Variants in PIGL observed in about 807,000 individuals in gnomAD.
PIGL encodes phosphatidylinositol glycan anchor biosynthesis class L.
A neutral mutation model predicts 31.1 loss-of-function variants in PIGL; 22 were observed. The ratio of observed to expected loss-of-function variants is 0.71; its 90% CI spans 0.51 to 1.01. The LOEUF (loss-of-function observed/expected upper bound fraction) is 1.01. PIGL is among the 50% of genes least tolerant of loss of function. The pLI, the probability that PIGL is intolerant of heterozygous loss-of-function variation, is 0.00. For missense variants in PIGL, 302 were observed against 315.9 expected (o/e 0.96, Z 0.33); for synonymous variants, 131 against 117.4 (o/e 1.12, Z -0.75).
At position 16,317,768 on chromosome 17, in the gene PIGL, C is replaced by T. The variant is rs1450353026; in HGVS notation, c.527-7C>T. ...TTATCACTTCACCCTGTCTCCTCTC[C>T]ATCCAGGGTGCTCTGTGCTCACGCT... is the stretch of plus-strand genomic sequence containing the variant. On this transcript the variant is annotated splice_polypyrimidine_tract_variant and splice_region_variant and intron_variant, in intron 5 of 6. Coordinates refer to ENST00000225609, the MANE Select transcript of PIGL (RefSeq NM_004278.4). 6.2e-7 allele frequency: 1 copy of T among 1,613,748 alleles called. No individual in the cohort carries two copies. Among genetic ancestry groups the T allele is most frequent in the Non-Finnish European group, 8.5e-7 (1 of 1,180,000 alleles).
chr17:16,320,643 A>T (rs968482008), intron 6 of PIGL, among the ~76,000 whole-genome samples: 8 of 152,022 alleles, frequency 5.3e-5, no homozygotes, highest in African/African-American at 1.9e-4. Flanking sequence ...TTATTTTCTA[A>T]ATTTTCTTTG....
intron 6 of PIGL, among the ~76,000 whole-genome samples, chr17:16,325,399 T>C (rs1023635257): frequency 1.3e-5 from 2 of 149,962 alleles, no homozygotes; most frequent in African/African-American, 4.9e-5. Context: ...TGGGTTAAAA[T>C]CTCAGCCAGC....
At chr17:16,287,226 G>T (rs1408251682) in intron 2 of PIGL, among the ~76,000 whole-genome samples, 2 of 150,880 alleles carry the variant, frequency 1.3e-5, no homozygotes. Context: ...CTGCCCCAGG[G>T]CTTGCGATTG....
intron 2 of PIGL, among the ~76,000 whole-genome samples, chr17:16,236,626 G>A (rs1490855375): frequency 2.0e-5 from 3 of 152,136 alleles, no homozygotes; most frequent in African/African-American, 7.2e-5. Flanking sequence ...GGAGTGCAGT[G>A]GTGCGATCTT....
intron 2 of PIGL, among the ~76,000 whole-genome samples, chr17:16,282,751 T>C (rs1384896245): frequency 6.6e-6 from 1 of 152,228 alleles, no homozygotes; most frequent in Non-Finnish European, 1.5e-5. Context: ...ATGCAGCTCA[T>C]ACATATATCC....
chr17:16,307,131 G>A (rs2093029659), intron 3 of PIGL, among the ~76,000 whole-genome samples: 1 of 152,228 alleles, frequency 6.6e-6, no homozygotes, highest in Non-Finnish European at 1.5e-5. Context: ...AGGAGACCAT[G>A]TTGACATTAC....
chr17:16,224,382 C>T (rs1239434188), intron 1 of PIGL, among the ~76,000 whole-genome samples: 2 of 151,948 alleles, frequency 1.3e-5, no homozygotes. Flanking sequence ...TCTTGGCTCA[C>T]TGTAGCCTCC....
At chr17:16,310,529 G>A (rs939805581) in intron 3 of PIGL, among the ~76,000 whole-genome samples, 3 of 151,964 alleles carry the variant, frequency 2.0e-5, no homozygotes, top group Non-Finnish European at 2.9e-5. Flanking sequence ...GAATAAGAGT[G>A]CAGGTCTTCT....
Position 16,245,805 on chromosome 17 carries a change from C to T in PIGL, c.335+11735C>T, listed in dbSNP as rs539206157. Among the ~76,000 whole-genome samples, 471 of 121,684 alleles carry T rather than the reference C, an allele frequency of 3.9e-3. 3 individuals are homozygous for T. The highest frequency in any genetic ancestry group is 0.022 in the South Asian group (88 of 3,962). The allele number at this position is 121,684 out of a possible 152,430, so 79.8% of individuals were successfully genotyped here. ...ATATATATATATATACACACACACA[C>T]ATATATATATATATATTTTTTTTTG... On this transcript the variant is annotated intron_variant, in intron 2 of 6. Coordinates refer to ENST00000225609, the MANE Select transcript of PIGL (RefSeq NM_004278.4).
chr17:16,293,194 T>C (rs143865086), intron 2 of PIGL, among the ~76,000 whole-genome samples: 4,347 of 152,338 alleles, frequency 0.029, 91 homozygotes, highest in Non-Finnish European at 0.043. Context: ...TTTTGCCCAA[T>C]GTATACACTT....
chr17:16,241,673 T>C (rs910258941), intron 2 of PIGL, among the ~76,000 whole-genome samples: 3 of 151,884 alleles, frequency 2.0e-5, no homozygotes, highest in African/African-American at 7.3e-5. Context: ...CAAACTATAA[T>C]GAGGAGAATT....
chr17:16,252,379 C>CT (rs1403679531), intron 2 of PIGL, among the ~76,000 whole-genome samples: 1 of 151,858 alleles, frequency 6.6e-6, no homozygotes, highest in East Asian at 1.9e-4. Context: ...GCCTCTTTTC[C>CT]TTTTTTAAAT....
At chr17:16,234,907 T>C (rs2092693534) in intron 2 of PIGL, among the ~76,000 whole-genome samples, 1 of 152,220 alleles carries the variant, frequency 6.6e-6, no homozygotes, top group Admixed American at 6.5e-5. Context: ...TTATTATAAA[T>C]TTCAAAAACA....
rs190503514 is a variant in PIGL, at chr17:16,270,082, T to C, written c.336-29806T>C. ...CGGGCAGATCACCTGAGGTCAGGAG[T>C]TCGAGACCAGCCTGCCCAACATCTG... On this transcript the variant is annotated intron_variant, in intron 2 of 6. Transcript: ENST00000225609. 6.4e-3 allele frequency among the ~76,000 whole-genome samples: 977 copies of C among 151,720 alleles called. 6 individuals are homozygous for C. Among genetic ancestry groups the C allele is most frequent in the Non-Finnish European group, 9.7e-3 (658 of 67,900 alleles).
intron 2 of PIGL, among the ~76,000 whole-genome samples, chr17:16,295,402 CAAAA>C (rs60864452): frequency 1.4e-5 from 1 of 72,310 alleles, no homozygotes. Context: ...GACTCCGTCT[CAAAA>C]AAAAAAAAAA....
chr17:16,271,591 G>A (rs949107136), intron 2 of PIGL, among the ~76,000 whole-genome samples: 7 of 151,788 alleles, frequency 4.6e-5, no homozygotes, highest in African/African-American at 1.7e-4. Flanking sequence ...GAGTGCAGTG[G>A]TGCAATCTTG....
intron 4 of PIGL, among the ~76,000 whole-genome samples, chr17:16,315,632 C>T (rs1046313684): frequency 6.6e-6 from 1 of 150,978 alleles, no homozygotes; most frequent in Non-Finnish European, 1.5e-5. Context: ...GCCCAGAGTA[C>T]AGGACAAGCC....
chr17:16,301,861 G>A (rs935081326), intron 3 of PIGL, among the ~76,000 whole-genome samples: 5 of 151,524 alleles, frequency 3.3e-5, no homozygotes, highest in African/African-American at 1.2e-4. Context: ...GAGCCACCAC[G>A]CCCAGCCTAA....
chr17:16,266,275 A>G (rs997742926), intron 2 of PIGL, among the ~76,000 whole-genome samples: 2 of 150,052 alleles, frequency 1.3e-5, no homozygotes, highest in East Asian at 2.0e-4. Context: ...TTAGCCCTGC[A>G]TGATGGGGGA....
Sources: allele counts gnomAD v4.1 joint callset (sites outside exome capture counted in the v4.1 genomes callset), GRCh38; gene constraint gnomAD v4.1.1; transcripts MANE v1.5; gene names NCBI Gene and HGNC (gene_info 2026-07-23, HGNC 2026-07-21).